Variants in PCF11 observed in about 807,000 individuals in gnomAD.
PCF11 encodes pre-mRNA cleavage complex 2 protein Pcf11.
A neutral mutation model predicts 166.1 loss-of-function variants in PCF11; 19 were observed. The ratio of observed to expected loss-of-function variants is 0.11; its 90% CI spans 0.08 to 0.17. PCF11 has a LOEUF of 0.17. Among genes scored for constraint, PCF11 ranks in the 10% least tolerant of loss-of-function variants. The probability of loss-of-function intolerance (pLI) is 1.00; values close to 1 mark genes in which losing one functional copy is unlikely to be tolerated. For missense variants in PCF11, 1,565 were observed against 1,855.5 expected (o/e 0.84, Z 2.88); for synonymous variants, 663 against 644.1 (o/e 1.03, Z -0.44).
chr11:83,168,654 C>T lies in PCF11; in HGVS notation c.2319C>T (p.Pro773=), dbSNP rs117248478. The T allele has an allele frequency of 5.6e-4, 898 of 1,613,864 alleles. 14 individuals are homozygous for T. In the East Asian group the frequency reaches 0.016, roughly 29 times the overall value. Residue 773 remains proline, a synonymous_variant, in exon 8 of 16, where the codon CCC becomes CCT. Transcript: ENST00000298281. ...CAACGAAGATGATTTTTGAAGGACC[C>T]AATAAATTAAGCCCTCGAATTGATG...
At chr11:83,181,759 G>GTA in intron 12 of PCF11, 95 bp from the exon 13 acceptor site, 1 of 750,080 alleles carries the variant, frequency 1.3e-6, no homozygotes, top group Non-Finnish European at 2.0e-6. Flanking sequence ...GTAGAAAATA[G>GTA]TATACCCCTA....
intron 2 of PCF11, 126 bp downstream of exon 2, chr11:83,161,578 T>C: frequency 4.7e-6 from 3 of 634,638 alleles, no homozygotes; most frequent in Non-Finnish European, 7.6e-6. Context: ...CATTTATCGT[T>C]AGTACCATTT....
chr11:83,169,457 G>A lies in PCF11; in HGVS notation c.3122G>A (p.Gly1041Glu), dbSNP rs1370492146. Residue 1041 changes from glycine to glutamate, a missense_variant, in exon 8 of 16, where the codon GGG becomes GAG. Physicochemically the swap from Gly to Glu is moderately conservative, Grantham distance 98. This residue lies in a region of PCF11 where 725 missense variants were observed against 749.3 expected (regional missense o/e 0.97). Transcript: ENST00000298281. ...GGTTGTCATGCTTTAAGGTTTGATG[G>A]GCAGCCAGGTCAGCCGTCACTCTTG... 1.9e-6 allele frequency: 3 copies of A among 1,613,622 alleles called. No homozygotes were observed. The highest frequency in any genetic ancestry group is 2.5e-6 in the Non-Finnish European group (3 of 1,179,854).
rs781098566 is a variant in PCF11, at chr11:83,165,796, A to T, written c.899A>T (p.Asn300Ile). Residue 300 changes from asparagine (N) to isoleucine (I), a missense_variant, in exon 5 of 16, where the codon AAC becomes ATC. By Grantham distance (149) the Asn-to-Ile change is moderately radical (BLOSUM62 -3). Coordinates refer to ENST00000298281, the Ensembl canonical transcript of PCF11. ...GGAACTAACCGGGATCCTCGTCTGA[A>T]CAGGATAAGCCAACATTCTCATGGA... 1.9e-5 allele frequency: 31 copies of T among 1,612,336 alleles called. No homozygotes were observed. The highest frequency in any genetic ancestry group is 2.5e-5 in the Non-Finnish European group (30 of 1,179,182).
At chr11:83,163,929 C>T in intron 3 of PCF11, 62 bp downstream of exon 3, 2 of 720,180 alleles carry the variant, frequency 2.8e-6, no homozygotes, top group Non-Finnish European at 4.3e-6. Context: ...AATTCTTCTG[C>T]AGAACTTACT....
At chr11:83,173,847 C>CTGGG (rs1860784163) in intron 9 of PCF11, among the ~76,000 whole-genome samples, 2 of 150,234 alleles carry the variant, frequency 1.3e-5, no homozygotes, top group African/African-American at 4.9e-5. Flanking sequence ...CTCCCGGGCT[C>CTGGG]AGCCTCCCCA....
rs756044622 is a variant in PCF11 at position 83,169,284 on chromosome 11, G to A, written c.2949G>A (p.Glu983=). 14 of 1,611,706 alleles carry A rather than the reference G, an allele frequency of 8.7e-6. No homozygotes were observed. The Admixed American group carries it at 2.2e-4, about 25-fold the overall frequency. Reference sequence around the variant, plus strand: ...AACTTGGTGGGAACCTTAGGTTTGAGGGTCCACATGGTCAGCCAGGGGTTG... The same window carrying A: ...AACTTGGTGGGAACCTTAGGTTTGAAGGTCCACATGGTCAGCCAGGGGTTG... The change falls in exon 8 of 16, where the codon GAG becomes GAA. Residue 983 remains glutamate (E), a synonymous_variant. Transcript: ENST00000298281.
intron 5 of PCF11, 51 bp downstream of exon 5, chr11:83,166,765 G>T: frequency 6.8e-7 from 1 of 1,465,336 alleles, no homozygotes; most frequent in Non-Finnish European, 9.1e-7. Flanking sequence ...TGTTTCAAAA[G>T]ATAGTGTTAA....
intron 14 of PCF11, 131 bp from the exon 15 acceptor site, chr11:83,182,907 T>C: frequency 1.5e-6 from 1 of 671,360 alleles, no homozygotes; most frequent in African/African-American, 1.9e-5. Flanking sequence ...TTTGGTTTTA[T>C]CCATTTTGGG....
chr11:83,168,521 C>T, exon 8 of PCF11: 1 of 1,613,948 alleles, frequency 6.2e-7, no homozygotes, highest in Non-Finnish European at 8.5e-7. Flanking sequence ...GTAGATAGTC[C>T]AGCATCAAGA....
exon 5 of PCF11, chr11:83,166,646 G>C: frequency 6.2e-7 from 1 of 1,607,928 alleles, no homozygotes; most frequent in East Asian, 2.2e-5. Context: ...AACCAAAGGA[G>C]AATGTAGAAA....
At chr11:83,161,240 T>A (rs1224359934) in intron 1 of PCF11, 87 bp from the exon 2 acceptor site, 1 of 993,508 alleles carries the variant, frequency 1.0e-6, no homozygotes, top group Non-Finnish European at 1.5e-6. Context: ...AAAATAGAGG[T>A]CTGTATTGTA....
At chr11:83,157,581 C>A in exon 1 of PCF11, 1 of 1,614,016 alleles carries the variant, frequency 6.2e-7, no homozygotes. Context: ...CGAGGAGAAC[C>A]TGCCCTTCGC....
chr11:83,162,393 T>C (rs1860290628), intron 2 of PCF11, among the ~76,000 whole-genome samples: 3 of 152,232 alleles, frequency 2.0e-5, no homozygotes, highest in African/African-American at 7.2e-5. Context: ...TTGAGAAATG[T>C]TTTTAAGTTC....
At chr11:83,168,671 G>A (rs749985391) in exon 8 of PCF11, 10 of 1,613,764 alleles carry the variant, frequency 6.2e-6, no homozygotes, top group East Asian at 2.2e-5. Flanking sequence ...TTAAGCCCTC[G>A]AATTGATGGA....
chr11:83,184,936 CT>C, exon 16 of PCF11: 1 of 1,363,992 alleles, frequency 7.3e-7, no homozygotes, highest in Non-Finnish European at 1.0e-6. Flanking sequence ...AAAAAAGCTG[CT>C]GTTGGATCTA....
exon 12 of PCF11, chr11:83,181,169 G>A: frequency 6.2e-7 from 1 of 1,610,740 alleles, no homozygotes; most frequent in East Asian, 2.2e-5. Context: ...GTCACTCATA[G>A]ACGTTGGTAC....
intron 15 of PCF11, 27 bp downstream of exon 15, chr11:83,183,100 G>C (rs1861138814): frequency 7.7e-7 from 1 of 1,297,044 alleles, no homozygotes; most frequent in Non-Finnish European, 1.1e-6. Context: ...TACTGTATTT[G>C]TTCTCATTTG....
At chr11:83,169,407 G>C in exon 8 of PCF11, 1 of 1,613,802 alleles carries the variant, frequency 6.2e-7, no homozygotes, top group Non-Finnish European at 8.5e-7. Flanking sequence ...AAGGGCCTCT[G>C]GGTCAAGGTG....
Sources: gnomAD v4.1 joint callset for allele counts (sites outside exome capture counted in the v4.1 genomes callset) on GRCh38, gnomAD v4.1.1 for gene constraint, gnomAD v4.1.1 regional missense constraint, MANE v1.5 for transcripts, NCBI Gene and HGNC (gene_info 2026-07-23, HGNC 2026-07-21) for gene names.